The following ALG3 variants were observed in gnomAD, a reference collection of about 807,000 sequenced individuals.
ALG3 encodes ALG3 alpha-1,3- mannosyltransferase.
A neutral mutation model predicts 50.5 loss-of-function variants in ALG3; 39 were observed. That is an observed-to-expected ratio of 0.77 (90% confidence interval 0.60 to 1.01). The LOEUF (loss-of-function observed/expected upper bound fraction) is 1.01. ALG3 is among the 50% of genes least tolerant of loss of function. The pLI, the probability that ALG3 is intolerant of heterozygous loss-of-function variation, is 0.00. For synonymous variants in ALG3, 252 were observed against 237.2 expected (o/e 1.06, Z -0.58); for missense variants, 520 against 554.8 (o/e 0.94, Z 0.63).
At chr3:184,244,400 A>C in intron 5 of ALG3, 1 of 677,332 alleles carries the variant, frequency 1.5e-6, no homozygotes, top group Non-Finnish European at 2.3e-6. Flanking sequence ...TAAAAAAAGC[A>C]AAAAGGCTCT....
Position 184,244,587 on chromosome 3 carries a change from T to C in ALG3, c.726+14A>G. 1 of 1,599,586 alleles carries C rather than the reference T, an allele frequency of 6.3e-7. No homozygotes were observed. Among genetic ancestry groups the C allele is most frequent in the Non-Finnish European group, 8.5e-7 (1 of 1,173,804 alleles). Reference sequence around the variant, plus strand: ...TCTCCTTGATTAGAAAGAGGAAGGGTGAGATGGGGGTACCTGAAGGCCAGC... The same window carrying C: ...TCTCCTTGATTAGAAAGAGGAAGGGCGAGATGGGGGTACCTGAAGGCCAGC... On this transcript the variant is annotated intron_variant, in intron 5 of 8. Transcript: ENST00000397676.
upstream of ALG3, chr3:184,249,366 T>C: frequency 1.5e-6 from 2 of 1,370,034 alleles, no homozygotes; most frequent in East Asian, 2.5e-5. Context: ...CTGAGAAAAA[T>C]GAACCTTTCA....
chr3:184,247,295 TAACTG>T (rs1683124279), intron 1 of ALG3, among the ~76,000 whole-genome samples: 1 of 144,538 alleles, frequency 6.9e-6, no homozygotes, highest in Non-Finnish European at 1.5e-5. Context: ...GTGCCCAGTC[TAACTG>T]AATTTTTTTT....
intron 1 of ALG3, 98 bp downstream of exon 1, chr3:184,248,647 G>C: frequency 8.8e-7 from 1 of 1,132,828 alleles, no homozygotes; most frequent in Non-Finnish European, 1.2e-6. Context: ...CGAGTGAGTG[G>C]ATACAGAGTC....
intron 1 of ALG3, among the ~76,000 whole-genome samples, chr3:184,248,392 C>T (rs541846353): frequency 3.3e-5 from 5 of 152,240 alleles, no homozygotes; most frequent in Non-Finnish European, 5.9e-5. Flanking sequence ...GAACTGAACA[C>T]ATGGAAAAAG....
chr3:184,243,951 G>C lies in ALG3; in HGVS notation c.772C>G (p.Leu258Val). The C allele has an allele frequency of 1.2e-6, 2 of 1,613,754 alleles. No individual in the cohort carries two copies. Among genetic ancestry groups the C allele is most frequent in the Non-Finnish European group, 1.7e-6 (2 of 1,179,894 alleles). ...PFLLENPSGY[L>V]SRSFDLGRQF... ...CGGCCAAGGTCAAAGGAGCGGGACA[G>C]GTAGCCGCTGGGGTTCTCCAGCAGG... The change falls in exon 6 of 9, where the codon CTG becomes GTG. Residue 258 changes from leucine to valine, a missense_variant. Physicochemically the swap from Leu to Val is conservative, Grantham distance 32 (BLOSUM62 1). This residue lies in a region of ALG3 where 224 missense variants were observed against 272.8 expected (regional missense o/e 0.82). Transcript: ENST00000397676.
chr3:184,248,524 C>A (rs1719307420), intron 1 of ALG3, among the ~76,000 whole-genome samples: 1 of 152,192 alleles, frequency 6.6e-6, no homozygotes, highest in Non-Finnish European at 1.5e-5. Context: ...AAGTTCAGTG[C>A]AGAAGGCCAA....
rs781482836 is a variant in ALG3, at chr3:184,244,684, C to T, written c.643G>A (p.Ala215Thr). The stretch of plus-strand genomic sequence containing the variant: ...AGGAGAAGAAACAGTAACCCAGGGG[C>T]GAAGAGCAGCACATTCATCTTCACA... ...VSVKMNVLLF[A>T]PGLLFLLLTQ... Residue 215 changes from alanine to threonine, a missense_variant, in exon 5 of 9, where the codon GCC becomes ACC. By Grantham distance (58) the Ala-to-Thr change is moderately conservative (BLOSUM62 0). Coordinates refer to ENST00000397676, the MANE Select transcript of ALG3 (RefSeq NM_005787.6). The T allele has an allele frequency of 3.7e-6, 6 of 1,610,154 alleles. No individual in the cohort carries two copies. Among genetic ancestry groups the T allele is most frequent in the South Asian group, 1.1e-5 (1 of 90,032 alleles).
In ALG3 at chr3:184,248,886, C is replaced by T. The variant is rs879141390; in HGVS notation, c.55G>A (p.Gly19Arg). 5.6e-6 allele frequency: 9 copies of T among 1,604,740 alleles called. No homozygotes were observed. The highest frequency in any genetic ancestry group is 2.2e-5 in the South Asian group (2 of 90,434). ...GRSGSAAQAE[G>R]LCKQWLQRAW... The stretch of plus-strand genomic sequence containing the variant: ...CGCTGCAGCCATTGCTTGCAGAGTC[C>T]CTCTGCCTGGGCCGCGGAACCGGAC... The change falls in exon 1 of 9, where the codon GGA (glycine) becomes AGA (arginine). Residue 19 changes from glycine (G) to arginine (R), a missense_variant. Around this residue, in one of 3 missense-constraint regions of ALG3, gnomAD observed 290 missense variants for 265.9 expected, o/e 1.09. Coordinates refer to ENST00000397676, the MANE Select transcript of ALG3 (RefSeq NM_005787.6).
chr3:184,245,443 T>G (rs1357051615), intron 3 of ALG3, 25 bp downstream of exon 3: 2 of 1,613,568 alleles, frequency 1.2e-6, no homozygotes, highest in African/African-American at 2.7e-5. Flanking sequence ...GCTGGGGCCC[T>G]CTAGCCCTGG....
rs373395680 is a variant in ALG3, at chr3:184,245,274, C to A, written c.529G>T (p.Val177Leu). 1 of 1,613,788 alleles carries A rather than the reference C, an allele frequency of 6.2e-7. No homozygotes were observed. Among genetic ancestry groups the A allele is most frequent in the Non-Finnish European group, 8.5e-7 (1 of 1,179,816 alleles). ...CTGAGGAAGAGCAGCACCATGGCCA[C>A]TGGGTCATTGAAGAGCCGCAGCACA... The part of the protein sequence containing the change: ...IFVLRLFNDP[V>L]AMVLLFLSIN... Residue 177 changes from valine to leucine, a missense_variant, in exon 4 of 9, where the codon GTG becomes TTG. Val to Leu is a conservative substitution (Grantham distance 32). Coordinates refer to ENST00000397676, the MANE Select transcript of ALG3 (RefSeq NM_005787.6).
chr3:184,244,995 G>A, intron 4 of ALG3: 1 of 806,324 alleles, frequency 1.2e-6, no homozygotes, highest in Non-Finnish European at 2.0e-6. Flanking sequence ...TGCTGTCTGG[G>A]AGGAAGACAG....
At position 184,245,817 on chromosome 3, in the gene ALG3, A is replaced by G; in HGVS notation, c.197-5T>C. Reference sequence around the variant, plus strand: ...CCTTCCAGTCAATCTCTGTGTCTGGAAGAAGACAAGATGATCTGGTTACTT... The same window carrying G: ...CCTTCCAGTCAATCTCTGTGTCTGGGAGAAGACAAGATGATCTGGTTACTT... On this transcript the variant is annotated splice_polypyrimidine_tract_variant and splice_region_variant and intron_variant, in intron 1 of 8. Coordinates refer to ENST00000397676, the MANE Select transcript of ALG3 (RefSeq NM_005787.6). 2 of 1,609,292 alleles carry G rather than the reference A, an allele frequency of 1.2e-6. No homozygotes were observed. Among genetic ancestry groups the G allele is most frequent in the Non-Finnish European group, 1.7e-6 (2 of 1,176,442 alleles).
At chr3:184,248,560 G>A (rs1039279633) in intron 1 of ALG3, among the ~76,000 whole-genome samples, 185 bp downstream of exon 1, 2 of 152,252 alleles carry the variant, frequency 1.3e-5, no homozygotes, top group Admixed American at 6.5e-5. Flanking sequence ...CCTCTGCCAT[G>A]CGGGCAGATT....
chr3:184,243,534 T>A lies in ALG3; in HGVS notation c.1009+20A>T. On this transcript the variant is annotated intron_variant, in intron 7 of 8. Coordinates refer to ENST00000397676, the MANE Select transcript of ALG3 (RefSeq NM_005787.6). ...CACCTAGAGAGGGCAAGACTTACCT[T>A]CCCACAATTTAAAGGATATGGTTGG... 6.2e-7 allele frequency: 1 copy of A among 1,612,864 alleles called. No individual in the cohort carries two copies. The highest frequency in any genetic ancestry group is 8.5e-7 in the Non-Finnish European group (1 of 1,179,026).
intron 7 of ALG3, 64 bp from the exon 8 acceptor site, chr3:184,243,021 G>A: frequency 6.3e-7 from 1 of 1,589,934 alleles, no homozygotes; most frequent in South Asian, 1.1e-5. Flanking sequence ...AAACAGAGGG[G>A]CAATAGTTTT....
chr3:184,248,772 T>C lies in ALG3; in HGVS notation c.169A>G (p.Thr57Ala). The change falls in exon 1 of 9, where the codon ACC becomes GCC. Residue 57 changes from threonine to alanine, a missense_variant. Around this residue, in one of 3 missense-constraint regions of ALG3, gnomAD observed 290 missense variants for 265.9 expected, o/e 1.09. Coordinates refer to ENST00000397676, the MANE Select transcript of ALG3 (RefSeq NM_005787.6). ...ACLCLAEVGI[T>A]FWVIHRVAYT... ...GCCACCCTGTGAATGACCCAGAAGGTGATGCCCACCTCCGCCAGGCAGAGG... is the reference window on the plus strand; with the variant it reads ...GCCACCCTGTGAATGACCCAGAAGGCGATGCCCACCTCCGCCAGGCAGAGG... The C allele has an allele frequency of 6.5e-7, 1 of 1,533,988 alleles. No individual in the cohort carries two copies. Among genetic ancestry groups the C allele is most frequent in the Non-Finnish European group, 8.8e-7 (1 of 1,133,498 alleles).
intron 5 of ALG3, 37 bp from the exon 6 acceptor site, chr3:184,244,033 C>A: frequency 6.3e-7 from 1 of 1,592,242 alleles, no homozygotes; most frequent in Non-Finnish European, 8.6e-7. Context: ...GCTGCCAAGG[C>A]TCATTCCCAA....
chr3:184,242,374 G>T lies in ALG3; in HGVS notation c.*140C>A. 1.9e-6 allele frequency: 2 copies of T among 1,080,216 alleles called. No homozygotes were observed. The highest frequency in any genetic ancestry group is 2.8e-6 in the Non-Finnish European group (2 of 721,924). 66.9% of individuals were successfully genotyped at this position (1,080,216 alleles called of 1,614,324 possible). A position where few individuals can be genotyped will look rare whatever the true frequency, so the allele number is the denominator to read the frequency against. On this transcript the variant is annotated 3_prime_UTR_variant, in exon 9 of 9. Transcript: ENST00000397676. ...ATCTGCTCCATACGTGTCCCTCACA[G>T]CCTGGACCAGGCATCGGCTGCCCCC...
Sources: gnomAD v4.1 joint callset for allele counts (sites outside exome capture counted in the v4.1 genomes callset) on GRCh38, gnomAD v4.1.1 for gene constraint, gnomAD v4.1.1 regional missense constraint, MANE v1.5 for transcripts, NCBI Gene and HGNC (gene_info 2026-07-23, HGNC 2026-07-21) for gene names.